The following SHANK2 variants were observed in gnomAD, a reference collection of about 807,000 sequenced individuals.
SHANK2 encodes SH3 and multiple ankyrin repeat domains 2, also known as SH3 and multiple ankyrin repeat domains protein 2.
SHANK2 carries 43 observed loss-of-function variants against 133.7 expected under a neutral mutation model. That is an observed-to-expected ratio of 0.32 (90% CI 0.25 to 0.41). The LOEUF (loss-of-function observed/expected upper bound fraction) is 0.41, where lower values mean the gene tolerates loss of function less well. SHANK2 is among the 10% of genes least tolerant of loss of function. The pLI is 1.00. For missense variants in SHANK2, 1,994 were observed against 2,235.8 expected (o/e 0.89, Z 2.18); for synonymous variants, 1,017 against 952.8 (o/e 1.07, Z -1.24).
At chr11:70,514,167 T>G (rs556423001) in intron 17 of SHANK2, among the ~76,000 whole-genome samples, 5 of 152,196 alleles carry the variant, frequency 3.3e-5, no homozygotes, top group Non-Finnish European at 7.3e-5. Flanking sequence ...TAAAAATGAC[T>G]GAATGATTGC....
chr11:70,846,931 A>C (rs1949005746), intron 11 of SHANK2, among the ~76,000 whole-genome samples: 1 of 152,076 alleles, frequency 6.6e-6, no homozygotes, highest in Admixed American at 6.5e-5. Flanking sequence ...GCTATTTAAG[A>C]GTTTCTCTGT....
At position 71,175,088 on chromosome 11, in the gene SHANK2, G is replaced by T. The variant is rs550569393; in HGVS notation, c.-12-27750C>A. On this transcript the variant is annotated intron_variant, in intron 2 of 25. Coordinates refer to ENST00000601538, the MANE Select transcript of SHANK2 (RefSeq NM_012309.5). The surrounding 1 kb of genome is among the most constrained non-coding windows in gnomAD (Gnocchi z 4.2). ...GCAGCTACAAAACACACACACGGTC[G>T]CATATGTGCATTTACCAGAGCAAGG... is the stretch of plus-strand genomic sequence containing the variant. Among the ~76,000 whole-genome samples the T allele has an allele frequency of 6.6e-6, 1 of 150,746 alleles. No individual in the cohort carries two copies. Among genetic ancestry groups the T allele is most frequent in the South Asian group, 2.1e-4 (1 of 4,738 alleles).
intron 11 of SHANK2, among the ~76,000 whole-genome samples, chr11:70,849,713 T>C (rs980988896): frequency 5.9e-5 from 9 of 152,146 alleles, no homozygotes; most frequent in Non-Finnish European, 1.2e-4. Flanking sequence ...GTAAAAAAAA[T>C]ATGCAAACAG....
intron 17 of SHANK2, among the ~76,000 whole-genome samples, chr11:70,657,172 A>G (rs1191699847): frequency 6.6e-6 from 1 of 152,176 alleles, no homozygotes; most frequent in Non-Finnish European, 1.5e-5. Context: ...AAGGCTTGCC[A>G]AGGGCTGCTT....
intron 2 of SHANK2, among the ~76,000 whole-genome samples, chr11:71,162,606 G>A (rs1488969563): frequency 1.3e-5 from 2 of 152,080 alleles, no homozygotes; most frequent in Admixed American, 6.6e-5. Context: ...AGTGAAATGG[G>A]GAAATGTCAA....
intron 15 of SHANK2, among the ~76,000 whole-genome samples, chr11:70,693,899 C>T (rs1186160900): frequency 6.6e-6 from 1 of 152,050 alleles, no homozygotes; most frequent in Non-Finnish European, 1.5e-5. Flanking sequence ...GATAGACGGA[C>T]AGGTGGACAG....
chr11:71,074,524 C>T (rs1466287009), intron 9 of SHANK2, among the ~76,000 whole-genome samples: 1 of 152,090 alleles, frequency 6.6e-6, no homozygotes, highest in Non-Finnish European at 1.5e-5. Context: ...TGCTGCAGTC[C>T]ACAATGTGTT....
rs535446910 is a variant in SHANK2 at position 70,940,946 on chromosome 11, G to T, written c.1108-44379C>A. Among the ~76,000 whole-genome samples the T allele has an allele frequency of 6.6e-5, 10 of 152,294 alleles. No homozygotes were observed. In the Middle Eastern group the frequency reaches 0.02, roughly 311 times the overall value. ...TCCCAAGTGTGCTATGTGGCAGGGA[G>T]ATGATGACCACGGGACTGGCCTCTG... On this transcript the variant is annotated intron_variant, in intron 10 of 25. Coordinates refer to ENST00000601538, the MANE Select transcript of SHANK2 (RefSeq NM_012309.5).
chr11:70,577,483 C>T (rs782543665), intron 17 of SHANK2, among the ~76,000 whole-genome samples: 114 of 152,338 alleles, frequency 7.5e-4, no homozygotes, highest in Non-Finnish European at 1.4e-3. Flanking sequence ...AAGCCACAGG[C>T]GGGTTTGCAG....
At chr11:70,762,171 A>T (rs1947010768) in intron 14 of SHANK2, among the ~76,000 whole-genome samples, 1 of 152,248 alleles carries the variant, frequency 6.6e-6, no homozygotes, top group Non-Finnish European at 1.5e-5. Flanking sequence ...GACAGAATAG[A>T]GCAAAGCTCC....
intron 14 of SHANK2, among the ~76,000 whole-genome samples, chr11:70,774,376 G>A (rs1555043479): frequency 6.6e-6 from 1 of 151,894 alleles, no homozygotes; most frequent in East Asian, 1.9e-4. Flanking sequence ...CTGGAGTGCA[G>A]TGGTGCCATC....
intron 22 of SHANK2, among the ~76,000 whole-genome samples, chr11:70,490,950 G>C (rs782576974): frequency 6.6e-6 from 1 of 152,228 alleles, no homozygotes; most frequent in Admixed American, 6.5e-5. Context: ...GCAAGCCCTG[G>C]AGCTGCTCAG....
At chr11:71,159,811 C>G (rs2135459523) in intron 2 of SHANK2, among the ~76,000 whole-genome samples, 1 of 152,130 alleles carries the variant, frequency 6.6e-6, no homozygotes, top group South Asian at 2.1e-4. Context: ...TGGCAAAACC[C>G]TGTCTCTACT....
intron 14 of SHANK2, among the ~76,000 whole-genome samples, chr11:70,721,277 C>T (rs555193080): frequency 3.3e-5 from 5 of 152,186 alleles, no homozygotes; most frequent in Non-Finnish European, 5.9e-5. Context: ...GGACTGCAGC[C>T]GCTCCTGGGC....
chr11:70,484,065 C>G (rs2135719131), intron 25 of SHANK2, among the ~76,000 whole-genome samples: 1 of 152,300 alleles, frequency 6.6e-6, no homozygotes, highest in Admixed American at 6.5e-5. Context: ...AACCCAAGAT[C>G]AAATATCAGT....
chr11:70,893,764 C>A (rs782101119), intron 11 of SHANK2, among the ~76,000 whole-genome samples: 7 of 152,150 alleles, frequency 4.6e-5, no homozygotes, highest in Non-Finnish European at 8.8e-5. Flanking sequence ...AATCAGGGAA[C>A]AACAGACACT....
At position 70,486,496 on chromosome 11, in the gene SHANK2, C is replaced by T; in HGVS notation, c.3797G>A (p.Arg1266Lys). 1 of 1,614,140 alleles carries T rather than the reference C, an allele frequency of 6.2e-7. No homozygotes were observed. The highest frequency in any genetic ancestry group is 8.5e-7 in the Non-Finnish European group (1 of 1,180,032). Residue 1266 changes from arginine to lysine, a missense_variant, in exon 25 of 26, where the codon AGG becomes AAG. By Grantham distance (26) the Arg-to-Lys change is conservative. Around this residue, in one of 5 missense-constraint regions of SHANK2, gnomAD observed 797 missense variants for 907.4 expected, o/e 0.88. Coordinates refer to ENST00000601538, the MANE Select transcript of SHANK2 (RefSeq NM_012309.5). The surrounding 1 kb of genome is among the most constrained non-coding windows in gnomAD (Gnocchi z 8.0). ...SLDAGFPTVT[R>K]QNTRGPLRRQ... ...CCTCAGGGGTCCCCGGGTGTTCTGC[C>T]TGGTGACCGTAGGGAAGCCGGCATC...
intron 11 of SHANK2, among the ~76,000 whole-genome samples, chr11:70,828,330 T>A (rs546112993): frequency 6.6e-6 from 1 of 152,066 alleles, no homozygotes; most frequent in East Asian, 1.9e-4. Flanking sequence ...ATAAACTTCA[T>A]CTCTTATTTA....
chr11:70,493,373 T>A (rs1487876671), intron 21 of SHANK2, among the ~76,000 whole-genome samples: 35 of 123,454 alleles, frequency 2.8e-4, no homozygotes, highest in African/African-American at 9.3e-4. Context: ...CCATTTCCTT[T>A]AAAAAAAAAA....
Sources: gnomAD v4.1 joint callset for allele counts (sites outside exome capture counted in the v4.1 genomes callset) on GRCh38, gnomAD v4.1.1 for gene constraint, gnomAD v4.1.1 regional missense constraint, Gnocchi (gnomAD v3.1) non-coding constraint, MANE v1.5 for transcripts, NCBI Gene and HGNC (gene_info 2026-07-23, HGNC 2026-07-21) for gene names.